The following PANX1 variants were observed in gnomAD, a reference collection of about 807,000 sequenced individuals.
PANX1 encodes pannexin-1.
A neutral mutation model predicts 38.7 loss-of-function variants in PANX1; 30 were observed. That is an observed-to-expected ratio of 0.78 (90% confidence interval 0.58 to 1.05). The LOEUF (loss-of-function observed/expected upper bound fraction) is 1.05. Among genes scored for constraint, PANX1 ranks in the 50% least tolerant of loss-of-function variants. The pLI is 0.00. For synonymous variants in PANX1, 230 were observed against 212.2 expected, an observed-to-expected ratio of 1.08 and a Z score of -0.73; for missense variants, 551 against 517.2, an observed-to-expected ratio of 1.07 and a Z score of -0.63.
intron 1 of PANX1, among the ~76,000 whole-genome samples, chr11:94,138,445 T>C (rs1250230771): frequency 6.6e-6 from 1 of 152,242 alleles, no homozygotes; most frequent in Non-Finnish European, 1.5e-5. Flanking sequence ...TAGCCTTTAT[T>C]GTATTTTCTT....
intron 1 of PANX1, among the ~76,000 whole-genome samples, chr11:94,142,423 C>G (rs1565373843): frequency 1.3e-5 from 2 of 152,172 alleles, no homozygotes. Flanking sequence ...ACTTCCCAGT[C>G]TGTCACCCCA....
intron 2 of PANX1, among the ~76,000 whole-genome samples, chr11:94,154,187 A>G (rs768420400): frequency 1.3e-5 from 2 of 152,162 alleles, no homozygotes; most frequent in Admixed American, 6.5e-5. Context: ...TGATAGATCC[A>G]GATACTGCAG....
At chr11:94,156,069 A>AATGTC (rs1411137787) in intron 2 of PANX1, among the ~76,000 whole-genome samples, 2 of 152,040 alleles carry the variant, frequency 1.3e-5, no homozygotes, top group Non-Finnish European at 2.9e-5. Context: ...AGAATTGTCT[A>AATGTC]AGAGTTGGCA....
At chr11:94,166,739 T>C (rs1389110990) in intron 2 of PANX1, among the ~76,000 whole-genome samples, 1 of 152,194 alleles carries the variant, frequency 6.6e-6, no homozygotes, top group Non-Finnish European at 1.5e-5. Flanking sequence ...CTGAGCCTGA[T>C]ATCTAAGTTG....
Position 94,161,334 on chromosome 11 carries a change from C to A in PANX1, c.321+7704C>A, listed in dbSNP as rs188434071. On this transcript the variant is annotated intron_variant, in intron 2 of 4. Transcript: ENST00000227638. Reference sequence around the variant, plus strand: ...CTGCAGAGTGTTTTCCTACTTGGTTCCATTCTCCCTGTCACTTTCAGGTAC... The same window carrying A: ...CTGCAGAGTGTTTTCCTACTTGGTTACATTCTCCCTGTCACTTTCAGGTAC... Among the ~76,000 whole-genome samples, 612 of 152,342 alleles carry A rather than the reference C, an allele frequency of 4.0e-3. 1 individual carries two copies. The highest frequency in any genetic ancestry group is 7.1e-3 in the Non-Finnish European group (483 of 68,042).
chr11:94,173,783 T>C (rs374994872), intron 2 of PANX1, among the ~76,000 whole-genome samples: 2 of 151,772 alleles, frequency 1.3e-5, no homozygotes, highest in South Asian at 2.1e-4. Context: ...CTACCAGTGG[T>C]ACCCCATTGT....
chr11:94,129,728 C>G lies in PANX1; in HGVS notation c.181+235C>G, dbSNP rs529998201. Among the ~76,000 whole-genome samples the G allele has an allele frequency of 3.9e-5, 6 of 152,306 alleles. No homozygotes were observed. The South Asian group carries it at 1.0e-3, about 26-fold the overall frequency. On this transcript the variant is annotated intron_variant, in intron 1 of 4. Coordinates refer to ENST00000227638, the MANE Select transcript of PANX1 (RefSeq NM_015368.4). ...CTCAGTTCTTTTGTTCCTCATGCCC[C>G]TCTGATCGGACTGTGGCTTATAGTT...
In PANX1 at chr11:94,181,032, AG is replaced by A; in HGVS notation, c.*165del. The A allele has an allele frequency of 1.7e-6, 1 of 598,926 alleles. No homozygotes were observed. The highest frequency in any genetic ancestry group is 3.0e-6 in the Non-Finnish European group (1 of 333,746). 37.1% of individuals were successfully genotyped at this position (598,926 alleles called of 1,614,324 possible). A position where few individuals can be genotyped will look rare whatever the true frequency, so the allele number is the denominator to read the frequency against. ...CCTAATGGAAATGGTGATCAACAAA[AG>A]GTTATGGAAGAATGGTTTATGAACT... On this transcript the variant is annotated 3_prime_UTR_variant, in exon 5 of 5. Coordinates refer to ENST00000227638, the MANE Select transcript of PANX1 (RefSeq NM_015368.4).
intron 2 of PANX1, among the ~76,000 whole-genome samples, chr11:94,171,634 A>T (rs558489623): frequency 6.6e-6 from 1 of 151,748 alleles, no homozygotes; most frequent in East Asian, 1.9e-4. Flanking sequence ...TTTAATTCTG[A>T]TGCTGAAGTT....
chr11:94,147,093 A>G (rs1372105187), intron 1 of PANX1, among the ~76,000 whole-genome samples: 1 of 152,204 alleles, frequency 6.6e-6, no homozygotes, highest in Non-Finnish European at 1.5e-5. Context: ...AGTGCTGGGT[A>G]TATCAGATTT....
chr11:94,166,744 A>G (rs907214252), intron 2 of PANX1, among the ~76,000 whole-genome samples: 8 of 152,096 alleles, frequency 5.3e-5, no homozygotes, highest in African/African-American at 1.9e-4. Flanking sequence ...CCTGATATCT[A>G]AGTTGCAAGA....
chr11:94,138,884 G>C (rs1946730571), intron 1 of PANX1, among the ~76,000 whole-genome samples: 2 of 152,076 alleles, frequency 1.3e-5, no homozygotes, highest in African/African-American at 4.8e-5. Context: ...TTCTTCAGTT[G>C]CATTATGATT....
intron 2 of PANX1, among the ~76,000 whole-genome samples, chr11:94,174,010 C>G (rs1250536993): frequency 6.6e-6 from 1 of 151,496 alleles, no homozygotes; most frequent in Non-Finnish European, 1.5e-5. Context: ...TGGCTGCTGG[C>G]AGTCCTCTGT....
intron 1 of PANX1, among the ~76,000 whole-genome samples, chr11:94,142,824 C>G (rs564381170): frequency 6.6e-6 from 1 of 152,346 alleles, no homozygotes; most frequent in South Asian, 2.1e-4. Flanking sequence ...TACCTGTGCT[C>G]TGTTGCCCCG....
rs1946597750 is a variant in PANX1 at position 94,129,364 on chromosome 11, AAGG to A, written c.55_57del (p.Glu19del). 6.2e-7 allele frequency: 1 copy of A among 1,613,724 alleles called. No individual in the cohort carries two copies. Among genetic ancestry groups the A allele is most frequent in the African/African-American group, 1.3e-5 (1 of 74,934 alleles). On this transcript the variant is annotated inframe_deletion, in exon 1 of 5. Coordinates refer to ENST00000227638, the MANE Select transcript of PANX1 (RefSeq NM_015368.4). ...GTACGTGTTCTCGGATTTCTTGCTG[AAGG>A]AGCCCACGGAGCCCAAGTTCAAGGG... is the stretch of plus-strand genomic sequence containing the variant.
rs1947285225 is a variant in PANX1, at chr11:94,179,948, C to T, written c.892C>T (p.Pro298Ser). 6.2e-7 allele frequency: 1 copy of T among 1,603,246 alleles called. No individual in the cohort carries two copies. The highest frequency in any genetic ancestry group is 8.5e-7 in the Non-Finnish European group (1 of 1,172,660). The part of the protein sequence containing the change: ...APVVVYTLFV[P>S]FRQKTDVLKV... The stretch of plus-strand genomic sequence containing the variant: ...CGTGGTTGTCTACACGCTGTTTGTT[C>T]CATTCCGACAGAAGACAGATGTTCT... Residue 298 changes from proline to serine, a missense_variant, in exon 4 of 5, where the codon CCA (proline) becomes TCA (serine). Coordinates refer to ENST00000227638, the MANE Select transcript of PANX1 (RefSeq NM_015368.4).
At chr11:94,141,671 C>T (rs1434485292) in intron 1 of PANX1, among the ~76,000 whole-genome samples, 1 of 152,074 alleles carries the variant, frequency 6.6e-6, no homozygotes, top group Non-Finnish European at 1.5e-5. Context: ...AGTCAACTAG[C>T]AAATATTATT....
At chr11:94,134,923 G>T (rs1459939611) in intron 1 of PANX1, among the ~76,000 whole-genome samples, 1 of 152,138 alleles carries the variant, frequency 6.6e-6, no homozygotes, top group Non-Finnish European at 1.5e-5. Context: ...CAGCAGCCTG[G>T]TTGAAGACAA....
At chr11:94,157,783 T>C (rs1181513472) in intron 2 of PANX1, among the ~76,000 whole-genome samples, 1 of 152,198 alleles carries the variant, frequency 6.6e-6, no homozygotes, top group African/African-American at 2.4e-5. Context: ...TTGTTGCCAT[T>C]GCTTTTGGTG....
Sources: allele counts gnomAD v4.1 joint callset (sites outside exome capture counted in the v4.1 genomes callset), GRCh38; gene constraint gnomAD v4.1.1; transcripts MANE v1.5; gene names NCBI Gene and HGNC (gene_info 2026-07-23, HGNC 2026-07-21).